The following SPTAN1 variants were observed in gnomAD, a reference collection of about 807,000 sequenced individuals.
The protein encoded by SPTAN1 is spectrin alpha chain, non-erythrocytic 1.
SPTAN1 carries 61 observed loss-of-function variants against 331.3 expected under a neutral mutation model. That is an observed-to-expected ratio of 0.18 (90% CI 0.15 to 0.23). The LOEUF is 0.23. Ranked by LOEUF, SPTAN1 falls within the 10% of genes least tolerant of loss-of-function variation. The pLI, the probability that SPTAN1 is intolerant of heterozygous loss-of-function variation, is 1.00. For synonymous variants in SPTAN1, 1,153 were observed against 1,173.9 expected (o/e 0.98, Z 0.36); for missense variants, 2,043 against 3,147.9 (o/e 0.65, Z 8.40).
intron 1 of SPTAN1, among the ~76,000 whole-genome samples, chr9:128,563,020 A>G (rs1305449855): frequency 7.9e-6 from 1 of 126,216 alleles, no homozygotes; most frequent in Non-Finnish European, 1.7e-5. Flanking sequence ...ATATATATAT[A>G]TATATATGTA....
intron 3 of SPTAN1, among the ~76,000 whole-genome samples, chr9:128,574,211 T>A (rs1212664681): frequency 6.6e-6 from 1 of 151,916 alleles, no homozygotes; most frequent in African/African-American, 2.4e-5. Flanking sequence ...CATTAATTCC[T>A]CATTTTTCCT....
chr9:128,630,561 T>A (rs1405227303), intron 52 of SPTAN1, 186 bp downstream of exon 52: 19 of 601,640 alleles, frequency 3.2e-5, no homozygotes, highest in Non-Finnish European at 5.0e-5. Context: ...TCATGGAATC[T>A]CTCTCTCGCC....
At chr9:128,566,131 A>G (rs2132943536) in intron 1 of SPTAN1, among the ~76,000 whole-genome samples, 1 of 152,272 alleles carries the variant, frequency 6.6e-6, no homozygotes, top group East Asian at 1.9e-4. Context: ...ATGATGGCTC[A>G]CTGCAGTCTT....
In SPTAN1 at chr9:128,627,905, C is replaced by T; in HGVS notation, c.6690-20C>T. On this transcript the variant is annotated intron_variant, in intron 50 of 56. Coordinates refer to ENST00000372739, the MANE Select transcript of SPTAN1 (RefSeq NM_001130438.3). This position sits in a 1 kb window ranked among gnomAD's most constrained non-coding sequence, Gnocchi z 4.9. ...CGGACACCACCTTGTCTCCCGGCTG[C>T]TTGGATCTGCTCTCCACAGGACATA... 6.2e-7 allele frequency: 1 copy of T among 1,614,150 alleles called. No individual in the cohort carries two copies. The highest frequency in any genetic ancestry group is 1.1e-5 in the South Asian group (1 of 91,088).
chr9:128,594,081 A>G, intron 23 of SPTAN1, 94 bp from the exon 24 acceptor site: 1 of 1,204,066 alleles, frequency 8.3e-7, no homozygotes, highest in Non-Finnish European at 1.2e-6. Context: ...CCTGGAATCC[A>G]CATCTTGGAG....
At chr9:128,617,410 C>T (rs896920764) in intron 41 of SPTAN1, among the ~76,000 whole-genome samples, 13 of 152,166 alleles carry the variant, frequency 8.5e-5, no homozygotes, top group Non-Finnish European at 1.3e-4. Flanking sequence ...CAGTGCATCC[C>T]CAACCCTCCA....
intron 31 of SPTAN1, 67 bp downstream of exon 31, chr9:128,605,544 T>C: frequency 6.3e-7 from 1 of 1,588,106 alleles, no homozygotes; most frequent in Non-Finnish European, 8.6e-7. Flanking sequence ...ATTTTTATTG[T>C]GAAAATAGTA....
intron 1 of SPTAN1, among the ~76,000 whole-genome samples, chr9:128,559,500 G>A (rs75428787): frequency 0.02 from 3,106 of 152,314 alleles, 48 homozygotes; most frequent in South Asian, 0.041. Flanking sequence ...TCGAATCCTG[G>A]AGACTGCCAT....
At chr9:128,600,744 C>T (rs1257445274) in intron 27 of SPTAN1, among the ~76,000 whole-genome samples, 1 of 152,006 alleles carries the variant, frequency 6.6e-6, no homozygotes, top group Admixed American at 6.6e-5. Flanking sequence ...CTCACTGCAA[C>T]CTCCGCCTCC....
At position 128,624,739 on chromosome 9, in the gene SPTAN1, CATA is replaced by C. The variant is rs148496048; in HGVS notation, c.5992+255_5992+257del. On this transcript the variant is annotated intron_variant, in intron 46 of 56. Coordinates refer to ENST00000372739, the MANE Select transcript of SPTAN1 (RefSeq NM_001130438.3). The stretch of plus-strand genomic sequence containing the variant: ...TAAACGCTGCTGCACGCAGAGATGG[CATA>C]ATGTGACGTCATGGCATGAACAAAG... The C allele has an allele frequency of 2.8e-4, 160 of 574,794 alleles. 1 individual carries two copies. The East Asian group carries it at 4.8e-3, about 17-fold the overall frequency. 35.6% of individuals were successfully genotyped at this position (574,794 alleles called of 1,614,324 possible).
intron 51 of SPTAN1, chr9:128,630,031 G>A (rs1209268249): frequency 3.7e-6 from 2 of 547,854 alleles, no homozygotes; most frequent in Non-Finnish European, 6.9e-6. Flanking sequence ...CACCCATGGG[G>A]GAATTTAAAC....
chr9:128,582,435 G>A, intron 12 of SPTAN1, 44 bp from the exon 13 acceptor site: 2 of 1,565,602 alleles, frequency 1.3e-6, no homozygotes, highest in East Asian at 4.5e-5. Flanking sequence ...CCAAGCTTGG[G>A]ACTAGTGTGC....
At chr9:128,584,991 C>A in intron 18 of SPTAN1, 148 bp downstream of exon 18, 1 of 883,696 alleles carries the variant, frequency 1.1e-6, no homozygotes, top group Non-Finnish European at 1.8e-6. Context: ...CTGACCAGAC[C>A]TTACCCTTTC....
At chr9:128,614,004 CAAAAA>C (rs879679258) in intron 40 of SPTAN1, among the ~76,000 whole-genome samples, 1 of 113,958 alleles carries the variant, frequency 8.8e-6, no homozygotes, top group Non-Finnish European at 1.9e-5. Flanking sequence ...GACTCCATCT[CAAAAA>C]AAAAAAAAAA....
chr9:128,599,482 G>GT (rs111285612), intron 26 of SPTAN1: 33,746 of 150,830 alleles, frequency 0.22, 4,555 homozygotes, highest in East Asian at 0.51. Flanking sequence ...AAAAAAGTTG[G>GT]TTTTTTTTTT....
At chr9:128,566,118 G>A (rs115994415) in intron 1 of SPTAN1, among the ~76,000 whole-genome samples, 2,334 of 152,308 alleles carry the variant, frequency 0.015, 69 homozygotes, top group African/African-American at 0.053. Context: ...GCGCAGTGGT[G>A]CAATGATGGC....
Position 128,612,112 on chromosome 9 carries a change from C to T in SPTAN1, c.4909C>T (p.Arg1637Cys), listed in dbSNP as rs1303433922. Reference sequence around the variant, plus strand: ...TTGGCTCCCTTCTGTTCCCCAGGCCCGCCTGGCTGCCTTAGCTGACCAGTG... The same window carrying T: ...TTGGCTCCCTTCTGTTCCCCAGGCCTGCCTGGCTGCCTTAGCTGACCAGTG... ...CAGSEDAVKA[R>C]LAALADQWQF... The change falls in exon 39 of 57, where the codon CGC becomes TGC. Residue 1637 changes from arginine to cysteine, a missense_variant. Physicochemically the swap from Arg to Cys is radical, Grantham distance 180. Around this residue, in one of 12 missense-constraint regions of SPTAN1, gnomAD observed 323 missense variants for 581.1 expected, o/e 0.56. Coordinates refer to ENST00000372739, the MANE Select transcript of SPTAN1 (RefSeq NM_001130438.3). 2 of 1,614,052 alleles carry T rather than the reference C, an allele frequency of 1.2e-6. No individual in the cohort carries two copies. Among genetic ancestry groups the T allele is most frequent in the Non-Finnish European group, 1.7e-6 (2 of 1,180,056 alleles).
In SPTAN1 at chr9:128,632,862, T is replaced by G. The variant is rs1235715016; in HGVS notation, c.7215T>G (p.Thr2405=). The change falls in exon 56 of 57, where the codon ACT becomes ACG. Residue 2405 remains threonine, a synonymous_variant. Coordinates refer to ENST00000372739, the MANE Select transcript of SPTAN1 (RefSeq NM_001130438.3). ...EYMAFMISRE[T]ENVKSSEEIE... ...TGGCTTTCATGATCAGCCGCGAAAC[T>G]GAGAACGTCAAGTCCAGCGAGGAGA... 6.2e-7 allele frequency: 1 copy of G among 1,613,928 alleles called. No homozygotes were observed. Among genetic ancestry groups the G allele is most frequent in the Non-Finnish European group, 8.5e-7 (1 of 1,180,032 alleles).
intron 3 of SPTAN1, among the ~76,000 whole-genome samples, chr9:128,573,654 C>T (rs1465297072): frequency 6.6e-6 from 1 of 151,662 alleles, no homozygotes; most frequent in East Asian, 1.9e-4. Flanking sequence ...ACGGGTTTCA[C>T]CATGTTGGCC....
Sources: gnomAD v4.1 joint callset for allele counts (sites outside exome capture counted in the v4.1 genomes callset) on GRCh38, gnomAD v4.1.1 for gene constraint, gnomAD v4.1.1 regional missense constraint, Gnocchi (gnomAD v3.1) non-coding constraint, MANE v1.5 for transcripts, NCBI Gene and HGNC (gene_info 2026-07-23, HGNC 2026-07-21) for gene names.